Variants in DLC1 observed in about 807,000 individuals in gnomAD.
DLC1 encodes rho GTPase-activating protein 7.
DLC1 carries 54 observed loss-of-function variants against 140.3 expected under a neutral mutation model. The ratio of observed to expected loss-of-function variants is 0.38; its 90% CI spans 0.31 to 0.48. The LOEUF (loss-of-function observed/expected upper bound fraction) is 0.48, where lower values mean the gene tolerates loss of function less well. DLC1 is among the 20% of genes least tolerant of loss of function. The probability of loss-of-function intolerance (pLI) is 0.96; values close to 1 mark genes in which losing one functional copy is unlikely to be tolerated. For missense variants in DLC1, 2,536 were observed against 1,907.0 expected, an observed-to-expected ratio of 1.33 and a Z score of -6.14; for synonymous variants, 986 against 728.1, an observed-to-expected ratio of 1.35 and a Z score of -5.70.
chr8:13,109,082 G>A (rs1819837604), intron 7 of DLC1, among the ~76,000 whole-genome samples: 1 of 152,154 alleles, frequency 6.6e-6, no homozygotes, highest in African/African-American at 2.4e-5. Context: ...AACTAGTCTA[G>A]TCCATACACT....
At chr8:13,184,329 G>T (rs2116991149) in intron 5 of DLC1, among the ~76,000 whole-genome samples, 1 of 152,056 alleles carries the variant, frequency 6.6e-6, no homozygotes, top group Middle Eastern at 3.4e-3. Context: ...GTTATTTCTT[G>T]CTTTCTGCTA....
intron 1 of DLC1, among the ~76,000 whole-genome samples, chr8:13,592,992 T>C (rs140094283): frequency 1.1e-4 from 17 of 152,248 alleles, no homozygotes; most frequent in African/African-American, 3.1e-4. Flanking sequence ...CAAGCCTAAG[T>C]GCAATTTCTC....
chr8:13,154,335 C>T (rs1012582522), intron 5 of DLC1, among the ~76,000 whole-genome samples: 1 of 152,224 alleles, frequency 6.6e-6, no homozygotes, highest in Non-Finnish European at 1.5e-5. Context: ...GTCGGGAGCC[C>T]TGCCCTGCTG....
At chr8:13,266,743 T>C (rs768747432) in intron 5 of DLC1, among the ~76,000 whole-genome samples, 2 of 151,890 alleles carry the variant, frequency 1.3e-5, no homozygotes, top group Non-Finnish European at 2.9e-5. Context: ...AGACTTAGTA[T>C]TAAAAAAACA....
chr8:13,505,311 T>C (rs1322630662), intron 1 of DLC1, among the ~76,000 whole-genome samples: 1 of 152,058 alleles, frequency 6.6e-6, no homozygotes, highest in Non-Finnish European at 1.5e-5. Flanking sequence ...AGATAGTCAC[T>C]TTCTGTAGCA....
intron 2 of DLC1, among the ~76,000 whole-genome samples, chr8:13,461,667 C>G (rs567948014): frequency 1.3e-4 from 20 of 152,196 alleles, no homozygotes; most frequent in Non-Finnish European, 2.4e-4. Flanking sequence ...TGCTTGGTCC[C>G]AGGCCATGCC....
intron 1 of DLC1, among the ~76,000 whole-genome samples, chr8:13,549,457 C>T (rs547302406): frequency 6.6e-6 from 1 of 152,236 alleles, no homozygotes; most frequent in African/African-American, 2.4e-5. Flanking sequence ...ACTGCTTCAA[C>T]CCTCCAATTA....
At chr8:13,544,750 C>T (rs1803600549) in intron 1 of DLC1, among the ~76,000 whole-genome samples, 1 of 152,176 alleles carries the variant, frequency 6.6e-6, no homozygotes, top group Non-Finnish European at 1.5e-5. Context: ...ATCCATTTTA[C>T]ACAACTGTCC....
At chr8:13,210,435 T>C (rs755473229) in intron 5 of DLC1, among the ~76,000 whole-genome samples, 10 of 152,186 alleles carry the variant, frequency 6.6e-5, no homozygotes, top group Non-Finnish European at 1.0e-4. Context: ...GTCAACAAAC[T>C]TTTATTGGAG....
At chr8:13,128,554 T>A (rs1821783340) in intron 5 of DLC1, among the ~76,000 whole-genome samples, 1 of 152,162 alleles carries the variant, frequency 6.6e-6, no homozygotes, top group Non-Finnish European at 1.5e-5. Flanking sequence ...ATGGGCTTGC[T>A]GGACGCGGTG....
chr8:13,188,188 A>T (rs1216364844), intron 5 of DLC1, among the ~76,000 whole-genome samples: 1 of 145,962 alleles, frequency 6.9e-6, no homozygotes, highest in Admixed American at 7.2e-5. Context: ...TGTTCAAGTG[A>T]TTCCTGCCTC....
At chr8:13,358,226 C>G (rs985533420) in intron 4 of DLC1, among the ~76,000 whole-genome samples, 5 of 152,320 alleles carry the variant, frequency 3.3e-5, no homozygotes, top group African/African-American at 1.2e-4. Context: ...GAGCAAGCTT[C>G]TTTTCCATCC....
At chr8:13,592,644 G>T (rs1226707342) in intron 1 of DLC1, among the ~76,000 whole-genome samples, 1 of 152,012 alleles carries the variant, frequency 6.6e-6, no homozygotes, top group Non-Finnish European at 1.5e-5. Flanking sequence ...CTAATCTGGG[G>T]CCTGCCAAGG....
At chr8:13,244,788 T>G (rs546680118) in intron 5 of DLC1, among the ~76,000 whole-genome samples, 7 of 152,156 alleles carry the variant, frequency 4.6e-5, no homozygotes, top group Admixed American at 1.3e-4. Flanking sequence ...AATTATAGTT[T>G]CGACATATTT....
intron 5 of DLC1, among the ~76,000 whole-genome samples, chr8:13,225,264 A>G (rs1828741109): frequency 6.6e-6 from 1 of 152,194 alleles, no homozygotes; most frequent in Non-Finnish European, 1.5e-5. Flanking sequence ...GCCCCAAAAC[A>G]CTTTCAAAAG....
chr8:13,421,813 G>T (rs1838333925), intron 2 of DLC1, among the ~76,000 whole-genome samples: 1 of 152,042 alleles, frequency 6.6e-6, no homozygotes, highest in Non-Finnish European at 1.5e-5. Flanking sequence ...TCCCAATATG[G>T]TAATAACTCT....
At chr8:13,138,126 T>C (rs180804579) in intron 5 of DLC1, among the ~76,000 whole-genome samples, 1 of 152,252 alleles carries the variant, frequency 6.6e-6, no homozygotes, top group Admixed American at 6.5e-5. Context: ...TTTTTCCCAC[T>C]GTAATATGTT....
At chr8:13,277,543 A>G (rs938535626) in intron 5 of DLC1, among the ~76,000 whole-genome samples, 2 of 149,972 alleles carry the variant, frequency 1.3e-5, no homozygotes, top group African/African-American at 4.8e-5. Context: ...CCAAAATGTA[A>G]AAAAAGTTCC....
intron 4 of DLC1, among the ~76,000 whole-genome samples, chr8:13,390,466 A>G (rs997270446): frequency 3.9e-5 from 6 of 152,304 alleles, no homozygotes; most frequent in African/African-American, 1.4e-4. Flanking sequence ...TACTAGAATG[A>G]TTTATACTCC....
Sources: allele counts gnomAD v4.1 joint callset (sites outside exome capture counted in the v4.1 genomes callset), GRCh38; gene constraint gnomAD v4.1.1; transcripts MANE v1.5; gene names NCBI Gene and HGNC (gene_info 2026-07-23, HGNC 2026-07-21).